UVRAG: variants seen among roughly 807,000 people sequenced by gnomAD.
The protein encoded by UVRAG is UV radiation resistance associated, also known as UV radiation resistance-associated gene protein.
Under a neutral mutation model 78.0 loss-of-function variants are expected in UVRAG, and 19 were observed. That is an observed-to-expected ratio of 0.24 (90% CI 0.17 to 0.36). UVRAG has a LOEUF of 0.36. Among genes scored for constraint, UVRAG ranks in the 10% least tolerant of loss-of-function variants. UVRAG has a pLI of 1.00. For missense variants in UVRAG, 740 were observed against 853.8 expected (o/e 0.87, Z 1.66); for synonymous variants, 323 against 324.6 (o/e 1.00, Z 0.05).
chr11:76,128,112 A>G (rs915815828), intron 14 of UVRAG, among the ~76,000 whole-genome samples: 1 of 152,186 alleles, frequency 6.6e-6, no homozygotes, highest in African/African-American at 2.4e-5. Context: ...ACCCTCGGCC[A>G]TGTACCAGTA....
chr11:75,908,411 C>A (rs1346515595), intron 5 of UVRAG, among the ~76,000 whole-genome samples: 1 of 152,136 alleles, frequency 6.6e-6, no homozygotes, highest in Non-Finnish European at 1.5e-5. Flanking sequence ...CCCATTCTTG[C>A]TTTCACTTTT....
chr11:75,910,650 A>G, intron 5 of UVRAG, among the ~76,000 whole-genome samples: 1 of 151,472 alleles, frequency 6.6e-6, no homozygotes, highest in East Asian at 1.9e-4. Context: ...CCAATTTATC[A>G]AGACAGGGGA....
At chr11:76,044,897 A>AAG (rs10656028) in intron 12 of UVRAG, among the ~76,000 whole-genome samples, 20,432 of 152,206 alleles carry the variant, frequency 0.13, 3,510 homozygotes, top group African/African-American at 0.4. Flanking sequence ...CAGCAGGTGA[A>AAG]AGTAGCAATT....
intron 12 of UVRAG, among the ~76,000 whole-genome samples, chr11:76,024,048 T>C (rs1950288992): frequency 6.6e-6 from 1 of 152,220 alleles, no homozygotes; most frequent in South Asian, 2.1e-4. Flanking sequence ...CTCTGGAGAC[T>C]GGGATATTTC....
chr11:75,815,329 C>G lies in UVRAG; in HGVS notation c.-79C>G. On this transcript the variant is annotated 5_prime_UTR_variant, in exon 1 of 15. Coordinates refer to ENST00000356136, the MANE Select transcript of UVRAG (RefSeq NM_003369.4). The stretch of plus-strand genomic sequence containing the variant: ...GTGGCGGGTTTCTAGGCTGCAGGGG[C>G]TTGGTAGGTGGTGGCAAGGGGGCGG... 1 of 750,734 alleles carries G rather than the reference C, an allele frequency of 1.3e-6. No homozygotes were observed. Among genetic ancestry groups the G allele is most frequent in the Non-Finnish European group, 1.8e-6 (1 of 542,262 alleles). The allele number at this position is 750,734 out of a possible 1,614,324, so 46.5% of individuals were successfully genotyped here.
At chr11:76,060,118 A>G (rs1452348367) in intron 12 of UVRAG, among the ~76,000 whole-genome samples, 4 of 152,132 alleles carry the variant, frequency 2.6e-5, no homozygotes, top group Non-Finnish European at 5.9e-5. Context: ...TTAAAGTTTG[A>G]AAATCAGTTT....
chr11:76,007,296 C>T (rs1273093337), intron 9 of UVRAG, among the ~76,000 whole-genome samples: 10 of 152,084 alleles, frequency 6.6e-5, no homozygotes, highest in Admixed American at 6.5e-4. Flanking sequence ...GCCCCCTTTA[C>T]ATTTCTTAGC....
intron 13 of UVRAG, among the ~76,000 whole-genome samples, chr11:76,115,106 C>G (rs1281605731): frequency 1.3e-5 from 2 of 152,150 alleles, no homozygotes; most frequent in Non-Finnish European, 2.9e-5. Context: ...CCTTTATGGT[C>G]AGTTACGGAA....
chr11:75,972,342 T>G (rs911089723), intron 7 of UVRAG, among the ~76,000 whole-genome samples: 6 of 152,206 alleles, frequency 3.9e-5, no homozygotes, highest in Non-Finnish European at 8.8e-5. Context: ...AGAAGTATAA[T>G]TTTTAATTTC....
intron 2 of UVRAG, among the ~76,000 whole-genome samples, chr11:75,859,333 G>A (rs967055010): frequency 6.6e-6 from 1 of 150,434 alleles, no homozygotes; most frequent in South Asian, 2.1e-4. Context: ...CCGAGATCAC[G>A]CCACTGCACT....
chr11:75,826,131 C>CCGGCCGTAAGTATTCTTTAATA (rs1945505220), intron 1 of UVRAG, among the ~76,000 whole-genome samples: 1 of 150,932 alleles, frequency 6.6e-6, no homozygotes, highest in Non-Finnish European at 1.5e-5. Context: ...GCCACTGTGC[C>CCGGCCGTAAGTATTCTTTAATA]TGGCCAAGAA....
intron 1 of UVRAG, among the ~76,000 whole-genome samples, chr11:75,839,239 A>G (rs1398321388): frequency 6.6e-6 from 1 of 151,846 alleles, no homozygotes; most frequent in Non-Finnish European, 1.5e-5. Flanking sequence ...TGTCTTTTTT[A>G]TATTAATTAA....
chr11:76,016,645 A>G (rs948131809), intron 11 of UVRAG, among the ~76,000 whole-genome samples, 170 bp from the exon 12 acceptor site: 10 of 152,132 alleles, frequency 6.6e-5, no homozygotes, highest in African/African-American at 2.4e-4. Context: ...TGAAGTTTCA[A>G]GTCTTGTTAA....
At chr11:75,909,318 C>CA (rs978297839) in intron 5 of UVRAG, among the ~76,000 whole-genome samples, 27 of 151,468 alleles carry the variant, frequency 1.8e-4, no homozygotes, top group South Asian at 8.4e-4. Context: ...CCCATCTCTA[C>CA]AAAAAAAATA....
chr11:75,838,218 T>A (rs1230704342), intron 1 of UVRAG, among the ~76,000 whole-genome samples: 1 of 152,236 alleles, frequency 6.6e-6, no homozygotes, highest in African/African-American at 2.4e-5. Context: ...TTTAGTCCCC[T>A]ATTGATGTAC....
At chr11:75,985,245 C>T (rs1949476856) in intron 8 of UVRAG, among the ~76,000 whole-genome samples, 1 of 150,668 alleles carries the variant, frequency 6.6e-6, no homozygotes, top group Admixed American at 6.6e-5. Context: ...TTGTAATATC[C>T]TCTTGCAGTT....
chr11:75,970,360 G>A (rs1361139172), intron 7 of UVRAG, among the ~76,000 whole-genome samples: 4 of 152,342 alleles, frequency 2.6e-5, no homozygotes, highest in African/African-American at 9.6e-5. Flanking sequence ...TATTAAATGT[G>A]TATTCAGTAA....
intron 8 of UVRAG, among the ~76,000 whole-genome samples, chr11:76,001,561 A>G (rs1949815212): frequency 6.6e-6 from 1 of 152,220 alleles, no homozygotes; most frequent in Admixed American, 6.5e-5. Flanking sequence ...AGCCATATTA[A>G]CTAAGTAAAA....
chr11:75,969,120 C>T (rs773224789), intron 7 of UVRAG, among the ~76,000 whole-genome samples: 16 of 152,124 alleles, frequency 1.1e-4, no homozygotes, highest in Non-Finnish European at 2.1e-4. Context: ...TGAAACTGTA[C>T]GCATTAAACA....
Sources: allele counts gnomAD v4.1 joint callset (sites outside exome capture counted in the v4.1 genomes callset), GRCh38; gene constraint gnomAD v4.1.1; transcripts MANE v1.5; gene names NCBI Gene and HGNC (gene_info 2026-07-23, HGNC 2026-07-21).